The following DMGDH variants were observed in gnomAD, a reference collection of about 807,000 sequenced individuals.
DMGDH encodes the protein dimethylglycine dehydrogenase, also known as dimethylglycine dehydrogenase, mitochondrial.
Under a neutral mutation model 95.2 loss-of-function variants are expected in DMGDH, and 76 were observed. The ratio of observed to expected loss-of-function variants is 0.80; its 90% CI spans 0.66 to 0.97. DMGDH has a LOEUF of 0.97. DMGDH is among the 50% of genes least tolerant of loss of function. The probability of loss-of-function intolerance (pLI) is 0.00; values close to 1 mark genes in which losing one functional copy is unlikely to be tolerated. For synonymous variants in DMGDH, 345 were observed against 377.6 expected (o/e 0.91, Z 1.00); for missense variants, 987 against 1,055.0 (o/e 0.94, Z 0.89).
intron 14 of DMGDH, chr5:79,021,749 T>C: frequency 7.9e-7 from 1 of 1,268,206 alleles, no homozygotes; most frequent in Non-Finnish European, 1.0e-6. Context: ...TAAAAGGTAG[T>C]CCATACAAAC....
chr5:79,065,179 T>A (rs1320294647), intron 1 of DMGDH, among the ~76,000 whole-genome samples: 1 of 151,468 alleles, frequency 6.6e-6, no homozygotes, highest in African/African-American at 2.4e-5. Flanking sequence ...TCAGGGGCAA[T>A]AACACATACA....
intron 6 of DMGDH, among the ~76,000 whole-genome samples, chr5:79,043,632 A>AT (rs1014448770): frequency 6.6e-6 from 1 of 152,172 alleles, no homozygotes; most frequent in African/African-American, 2.4e-5. Flanking sequence ...TGCCCCAGTG[A>AT]TTTTTTAGCT....
Position 79,069,541 on chromosome 5 carries a change from C to G in DMGDH, c.80G>C (p.Arg27Pro). 1.5e-6 allele frequency: 2 copies of G among 1,312,186 alleles called. No individual in the cohort carries two copies. Among genetic ancestry groups the G allele is most frequent in the Non-Finnish European group, 9.7e-7 (1 of 1,033,742 alleles). The allele number at this position is 1,312,186 out of a possible 1,614,324, so 81.3% of individuals were successfully genotyped here. Reference sequence around the variant, plus strand: ...TCACCCTTCCCGGCCGCAGACAGAGCGCGGGCGCCCGGGGGAGCCCTGCAG... The same window carrying G: ...TCACCCTTCCCGGCCGCAGACAGAGGGCGGGCGCCCGGGGGAGCCCTGCAG... The part of the protein sequence containing the change: ...CPLQGSPGRP[R>P]SVCGREGEEK... Residue 27 changes from arginine to proline, a missense_variant, in exon 1 of 16, where the codon CGC becomes CCC. Arg to Pro is a moderately radical substitution (Grantham distance 103). Transcript: ENST00000255189.
intron 10 of DMGDH, 132 bp downstream of exon 10, chr5:79,030,701 C>A: frequency 2.6e-5 from 20 of 779,214 alleles, no homozygotes; most frequent in African/African-American, 3.6e-5. Context: ...AGCTTGTATA[C>A]TTGTATACTT....
chr5:79,056,975 A>C (rs1421754804), intron 2 of DMGDH, among the ~76,000 whole-genome samples: 1 of 152,210 alleles, frequency 6.6e-6, no homozygotes, highest in East Asian at 1.9e-4. Context: ...TCTTTGACCC[A>C]GTCTCCACCC....
At chr5:79,024,415 G>C (rs1216357760) in intron 13 of DMGDH, 85 bp from the exon 14 acceptor site, 6 of 1,302,788 alleles carry the variant, frequency 4.6e-6, no homozygotes, top group Non-Finnish European at 5.5e-6. Flanking sequence ...TTAGGAGAAA[G>C]AACCCTTTTT....
chr5:79,033,551 T>A, intron 7 of DMGDH, 143 bp from the exon 8 acceptor site: 1 of 1,017,802 alleles, frequency 9.8e-7, no homozygotes, highest in Non-Finnish European at 1.5e-6. Flanking sequence ...TATGGAACAA[T>A]TTTTTCCTTA....
At chr5:79,002,825 T>C (rs181048141) in intron 15 of DMGDH, among the ~76,000 whole-genome samples, 5 of 152,290 alleles carry the variant, frequency 3.3e-5, no homozygotes, top group Admixed American at 3.3e-4. Flanking sequence ...AAAAGAAGAC[T>C]ATCTGTATGT....
intron 1 of DMGDH, among the ~76,000 whole-genome samples, chr5:79,065,049 C>T (rs1755332102): frequency 2.0e-5 from 3 of 151,982 alleles, no homozygotes; most frequent in South Asian, 4.2e-4. Context: ...TGTGCCTGGC[C>T]TCAAACTTTT....
chr5:79,066,443 G>A (rs1755383533), intron 1 of DMGDH, among the ~76,000 whole-genome samples: 3 of 150,988 alleles, frequency 2.0e-5, no homozygotes, highest in African/African-American at 4.9e-5. Flanking sequence ...CCACCACCAC[G>A]CCCGGCTAAT....
At chr5:79,033,129 G>T in intron 8 of DMGDH, 110 bp downstream of exon 8, 2 of 1,367,308 alleles carry the variant, frequency 1.5e-6, no homozygotes, top group Non-Finnish European at 2.1e-6. Flanking sequence ...GCTTTTTGGA[G>T]TCCCTAACTA....
intron 2 of DMGDH, among the ~76,000 whole-genome samples, chr5:79,057,870 C>T (rs1038680250): frequency 1.3e-5 from 2 of 152,164 alleles, no homozygotes; most frequent in South Asian, 4.2e-4. Context: ...CCATCCACTC[C>T]TCAAGATCCT....
At position 79,026,583 on chromosome 5, in the gene DMGDH, T is replaced by A. The variant is rs1561213721; in HGVS notation, c.2033-2A>T. 6.2e-7 allele frequency: 1 copy of A among 1,614,006 alleles called. No homozygotes were observed. Among genetic ancestry groups the A allele is most frequent in the Non-Finnish European group, 8.5e-7 (1 of 1,179,966 alleles). The stretch of plus-strand genomic sequence containing the variant: ...GATACAGCTCCCAACCCAGCTCACC[T>A]GAAATAAACCCACAGGTGCCACAGC... On this transcript the variant is annotated splice_acceptor_variant, in intron 12 of 15. Transcript: ENST00000255189. LOFTEE classifies it high-confidence loss of function.
At chr5:78,999,523 C>CG (rs1753417945) in intron 15 of DMGDH, among the ~76,000 whole-genome samples, 1 of 151,024 alleles carries the variant, frequency 6.6e-6, no homozygotes, top group African/African-American at 2.4e-5. Flanking sequence ...TTAGTAGAGG[C>CG]GGGGTTTCAC....
intron 5 of DMGDH, among the ~76,000 whole-genome samples, chr5:79,049,461 G>A (rs1444003233): frequency 6.6e-6 from 1 of 152,200 alleles, no homozygotes; most frequent in African/African-American, 2.4e-5. Flanking sequence ...CATCTGAAAT[G>A]AGTGCAGCGA....
intron 12 of DMGDH, among the ~76,000 whole-genome samples, chr5:79,027,840 C>CTTTTTT (rs771037679): frequency 9.1e-6 from 1 of 109,456 alleles, no homozygotes; most frequent in Non-Finnish European, 1.9e-5. Flanking sequence ...CCCCACTTTT[C>CTTTTTT]TTTTTTTTTT....
intron 2 of DMGDH, among the ~76,000 whole-genome samples, chr5:79,060,557 G>A (rs1580231105): frequency 6.6e-6 from 1 of 152,004 alleles, no homozygotes; most frequent in East Asian, 1.9e-4. Flanking sequence ...TTTATAGTCT[G>A]CCTCTTGTTA....
chr5:79,043,646 T>C lies in DMGDH; in HGVS notation c.994+658A>G, dbSNP rs557191209. Among the ~76,000 whole-genome samples, 3 of 152,340 alleles carry C rather than the reference T, an allele frequency of 2.0e-5. No homozygotes were observed. In the East Asian group the frequency reaches 5.8e-4, roughly 29 times the overall value. ...ATGCCCCAGTGATTTTTTAGCTCTTTTTATAGATTAAAAGCTGAGGTACCT... is the reference window on the plus strand; with the variant it reads ...ATGCCCCAGTGATTTTTTAGCTCTTCTTATAGATTAAAAGCTGAGGTACCT... On this transcript the variant is annotated intron_variant, in intron 6 of 15. Transcript: ENST00000255189.
In DMGDH at chr5:79,034,805, C is replaced by T. The variant is rs911114136; in HGVS notation, c.1194-1397G>A. Among the ~76,000 whole-genome samples the T allele has an allele frequency of 7.9e-5, 12 of 152,238 alleles. No individual in the cohort carries two copies. In the East Asian group the frequency reaches 1.9e-3, roughly 24 times the overall value. ...GGGCGCGATGTCTCACGCCTGTAAT[C>T]CCAGCACTTTGGGAGGCCGAGACGG... is the stretch of plus-strand genomic sequence containing the variant. On this transcript the variant is annotated intron_variant, in intron 7 of 15. Transcript: ENST00000255189.
Sources: gnomAD v4.1 joint callset for allele counts (sites outside exome capture counted in the v4.1 genomes callset) on GRCh38, gnomAD v4.1.1 for gene constraint, MANE v1.5 for transcripts, NCBI Gene and HGNC (gene_info 2026-07-23, HGNC 2026-07-21) for gene names.